The following KDM5C variants were observed in gnomAD, a reference collection of about 807,000 sequenced individuals.
The protein encoded by KDM5C is lysine demethylase 5C.
Under a neutral mutation model 110.6 loss-of-function variants are expected in KDM5C, and 16 were observed. The ratio of observed to expected loss-of-function variants is 0.14; its 90% confidence interval spans 0.10 to 0.22. KDM5C has a LOEUF of 0.22. Ranked by LOEUF, KDM5C falls within the 10% of genes least tolerant of loss-of-function variation. KDM5C has a pLI of 1.00. For synonymous variants in KDM5C, 511 were observed against 520.4 expected (o/e 0.98, Z 0.24); for missense variants, 681 against 1,300.9 (o/e 0.52, Z 7.33).
rs781988143 is a variant in KDM5C, at chrX:53,210,516, C to T, written c.1644G>A (p.Val548=). Residue 548 remains valine (V), a synonymous_variant, in exon 12 of 26, where the codon GTG becomes GTA. Transcript: ENST00000375401. The stretch of plus-strand genomic sequence containing the variant: ...ATAGTTCAGGTGTCAGCTTCTTCAT[C>T]ACTTCTTCCAAATGTTCTGCTGCAA... The part of the protein sequence containing the change: ...PSLAAEHLEE[V]MKKLTPELFD... 7.7e-5 allele frequency: 93 copies of T among 1,210,376 alleles called. 1 individual carries two copies. The South Asian group carries it at 1.4e-3, about 19-fold the overall frequency.
downstream of KDM5C, among the ~76,000 whole-genome samples, chrX:53,190,862 A>G (rs1934387941): frequency 8.9e-6 from 1 of 111,802 alleles, no homozygotes; most frequent in South Asian, 3.8e-4. Flanking sequence ...AGAAAGCAAA[A>G]TAAGAGTGGC....
rs1556848360 is a variant in KDM5C, at chrX:53,210,732, T to C, written c.1527A>G (p.Ser509=). The C allele has an allele frequency of 2.5e-6, 3 of 1,211,766 alleles. No homozygotes were observed. Among genetic ancestry groups the C allele is most frequent in the Non-Finnish European group, 3.4e-6 (3 of 895,495 alleles). The change falls in exon 11 of 26, where the codon TCA becomes TCG. Residue 509 remains serine, a synonymous_variant. Coordinates refer to ENST00000375401, the MANE Select transcript of KDM5C (RefSeq NM_004187.5). The part of the protein sequence containing the change: ...VPWLYVGMVF[S]AFCWHIEDHW... ...GATCCTCAATATGCCAGCAAAAGGC[T>C]GAGAAGACCATGCCCACGTAGAGCC... is the stretch of plus-strand genomic sequence containing the variant.
chrX:53,185,894 A>AG (rs1556828027), intron 25 of KDM5C, among the ~76,000 whole-genome samples: 1 of 111,825 alleles, frequency 8.9e-6, no homozygotes, highest in African/African-American at 3.3e-5. Context: ...CCTTGAATGA[A>AG]GGGGAGGGTC....
chrX:53,195,077 G>A lies in KDM5C; in HGVS notation c.3301-9C>T. 8.3e-7 allele frequency: 1 copy of A among 1,207,545 alleles called. No individual in the cohort carries two copies. Among genetic ancestry groups the A allele is most frequent in the African/African-American group, 1.7e-5 (1 of 57,748 alleles). ...GCACATGGGCAGAGAACCTGGGGCA[G>A]GCAGACAAGAGAGGGAATGACTGGG... On this transcript the variant is annotated splice_polypyrimidine_tract_variant and intron_variant, in intron 21 of 25. Coordinates refer to ENST00000375401, the MANE Select transcript of KDM5C (RefSeq NM_004187.5).
intron 25 of KDM5C, among the ~76,000 whole-genome samples, chrX:53,181,386 C>T (rs1556825921): frequency 9.1e-6 from 1 of 110,477 alleles, no homozygotes; most frequent in African/African-American, 3.3e-5. Flanking sequence ...CCCTAAACCC[C>T]AACCCTCACT....
chrX:53,214,057 C>T (rs972156613), intron 8 of KDM5C, among the ~76,000 whole-genome samples: 3 of 109,991 alleles, frequency 2.7e-5, no homozygotes, highest in African/African-American at 6.6e-5. Context: ...TGGGCTCAAG[C>T]GATCCTCCCA....
chrX:53,195,031 G>A lies in KDM5C; in HGVS notation c.3338C>T (p.Thr1113Ile). 8.3e-7 allele frequency: 1 copy of A among 1,209,451 alleles called. No homozygotes were observed. The highest frequency in any genetic ancestry group is 1.1e-6 in the Non-Finnish European group (1 of 894,336). ...CTTCTCCATCCACCGGCTGCGCTTG[G>A]TGCTGTCTGAGCCGGCATCTGCACA... is the stretch of plus-strand genomic sequence containing the variant. The part of the protein sequence containing the change: ...CPCADAGSDS[T>I]KRSRWMEKEL... Residue 1113 changes from threonine to isoleucine, a missense_variant, in exon 22 of 26, where the codon ACC (threonine) becomes ATC (isoleucine). By Grantham distance (89) the Thr-to-Ile change is moderately conservative. Transcript: ENST00000375401.
intron 1 of KDM5C, among the ~76,000 whole-genome samples, chrX:53,223,461 G>A (rs1040298235): frequency 9.0e-6 from 1 of 111,513 alleles, no homozygotes; most frequent in Non-Finnish European, 1.9e-5. Context: ...CTGAGCACCA[G>A]AAAGCACCAA....
intron 25 of KDM5C, among the ~76,000 whole-genome samples, chrX:53,182,138 G>A (rs782769732): frequency 1.9e-5 from 2 of 107,455 alleles, no homozygotes; most frequent in South Asian, 8.0e-4. Context: ...AGGCTGGAGT[G>A]CAATGGCTTG....
At chrX:53,219,241 G>A (rs1177565930) in intron 2 of KDM5C, among the ~76,000 whole-genome samples, 1 of 112,452 alleles carries the variant, frequency 8.9e-6, no homozygotes, top group African/African-American at 3.2e-5. Context: ...TTAATGAGGG[G>A]ACCAGTGAAG....
chrX:53,200,070 A>G (rs1241563970), intron 14 of KDM5C, among the ~76,000 whole-genome samples: 1 of 111,822 alleles, frequency 8.9e-6, no homozygotes, highest in African/African-American at 3.3e-5. Flanking sequence ...TAAAGCAGCT[A>G]TGGAATCAGA....
At chrX:53,206,996 G>A (rs1165530212) in intron 12 of KDM5C, among the ~76,000 whole-genome samples, 1 of 104,735 alleles carries the variant, frequency 9.5e-6, no homozygotes. Flanking sequence ...CCAACATGGT[G>A]AAACCCCATC....
intron 12 of KDM5C, among the ~76,000 whole-genome samples, chrX:53,208,499 CTTTTTTTT>C (rs67574134): frequency 4.8e-4 from 23 of 48,300 alleles, no homozygotes; most frequent in East Asian, 2.4e-3. Context: ...TCAGAGAATC[CTTTTTTTT>C]TTTTTTTTTT....
At chrX:53,213,241 AAG>A (rs2073630101) in intron 8 of KDM5C, among the ~76,000 whole-genome samples, 1 of 111,627 alleles carries the variant, frequency 9.0e-6, no homozygotes, top group Non-Finnish European at 1.9e-5. Flanking sequence ...CCACTTAGAG[AAG>A]AGAGTCAAGT....
In KDM5C at chrX:53,218,371, A is replaced by G; in HGVS notation, c.256T>C (p.Leu86=). 2 of 1,211,310 alleles carry G rather than the reference A, an allele frequency of 1.7e-6. No individual in the cohort carries two copies. Among genetic ancestry groups the G allele is most frequent in the South Asian group, 1.8e-5 (1 of 56,973 alleles). Reference sequence around the variant, plus strand: ...TCCCAGAATTTGGCAATCTGGTCCAAGTAGTTCAGTTTCACTCTCGTCTGG... The same window carrying G: ...TCCCAGAATTTGGCAATCTGGTCCAGGTAGTTCAGTTTCACTCTCGTCTGG... ...EAQTRVKLNY[L]DQIAKFWEIQ... is the part of the protein sequence containing the mutation. The change falls in exon 3 of 26, where the codon TTG becomes CTG. Residue 86 remains leucine, a synonymous_variant. Coordinates refer to ENST00000375401, the MANE Select transcript of KDM5C (RefSeq NM_004187.5).
At chrX:53,205,103 T>G (rs1455927804) in intron 12 of KDM5C, among the ~76,000 whole-genome samples, 1 of 112,546 alleles carries the variant, frequency 8.9e-6, no homozygotes, top group Admixed American at 9.4e-5. Flanking sequence ...GCCATGTGTA[T>G]GCTTAATCTG....
intron 12 of KDM5C, 171 bp from the exon 13 acceptor site, chrX:53,202,144 A>C: frequency 1.9e-6 from 1 of 531,174 alleles, no homozygotes; most frequent in Non-Finnish European, 3.2e-6. Flanking sequence ...CTCTGCTCTC[A>C]AGGTTTTGAT....
intron 1 of KDM5C, 32 bp downstream of exon 1, chrX:53,224,708 C>T (rs1556856084): frequency 8.3e-7 from 1 of 1,210,344 alleles, no homozygotes; most frequent in Admixed American, 2.2e-5. Context: ...CATTCCGTCT[C>T]GCCGCCGGCG....
At chrX:53,202,790 G>A (rs2073184231) in intron 12 of KDM5C, 1 of 111,190 alleles carries the variant, frequency 9.0e-6, no homozygotes, top group Non-Finnish European at 1.9e-5. Flanking sequence ...TCTCACACTT[G>A]ACTGTATATA....
Sources: gnomAD v4.1 joint callset for allele counts (sites outside exome capture counted in the v4.1 genomes callset) on GRCh38, gnomAD v4.1.1 for gene constraint, MANE v1.5 for transcripts, NCBI Gene and HGNC (gene_info 2026-07-23, HGNC 2026-07-21) for gene names.